The following PTPRM variants were observed in gnomAD, a reference collection of about 807,000 sequenced individuals.
The protein encoded by PTPRM is protein tyrosine phosphatase receptor type M.
PTPRM carries 47 observed loss-of-function variants against 186.7 expected under a neutral mutation model. The ratio of observed to expected loss-of-function variants is 0.25; its 90% CI spans 0.20 to 0.32. PTPRM has a LOEUF of 0.32. PTPRM is among the 10% of genes least tolerant of loss of function. The probability of loss-of-function intolerance (pLI) is 1.00; values close to 1 mark genes in which losing one functional copy is unlikely to be tolerated. For synonymous variants in PTPRM, 668 were observed against 674.9 expected, an observed-to-expected ratio of 0.99 and a Z score of 0.16; for missense variants, 1,494 against 1,865.0, an observed-to-expected ratio of 0.80 and a Z score of 3.66.
At chr18:7,920,334 A>T (rs2050787117) in intron 4 of PTPRM, among the ~76,000 whole-genome samples, 1 of 151,946 alleles carries the variant, frequency 6.6e-6, no homozygotes, top group Non-Finnish European at 1.5e-5. Context: ...GTTGTTTTTC[A>T]TATGTAATGA....
Position 7,772,697 on chromosome 18 carries a change from A to T in PTPRM, c.74-1452A>T, listed in dbSNP as rs7235537. ...ACAGTTGACCTAAGCATTTGGATAG[A>T]AGTTGGACCAGGTGACCTCTAACAT... On this transcript the variant is annotated intron_variant, in intron 1 of 32. Transcript: ENST00000580170. Among the ~76,000 whole-genome samples, 469 of 152,154 alleles carry T rather than the reference A, an allele frequency of 3.1e-3. 7 individuals are homozygous for T. The highest frequency in any genetic ancestry group is 0.011 in the African/African-American group (460 of 41,496).
intron 14 of PTPRM, among the ~76,000 whole-genome samples, chr18:8,217,106 T>C (rs1281013815): frequency 6.6e-6 from 1 of 152,224 alleles, no homozygotes; most frequent in Admixed American, 6.5e-5. Context: ...CTTTCTTCTG[T>C]GTTGTGAGAT....
At chr18:7,799,462 T>G (rs1053487063) in intron 2 of PTPRM, among the ~76,000 whole-genome samples, 2 of 152,200 alleles carry the variant, frequency 1.3e-5, no homozygotes, top group Admixed American at 1.3e-4. Flanking sequence ...AAGTAAGGCT[T>G]TGGTTATATT....
intron 1 of PTPRM, among the ~76,000 whole-genome samples, chr18:7,726,112 C>G (rs547994430): frequency 6.6e-6 from 1 of 152,174 alleles, no homozygotes; most frequent in Non-Finnish European, 1.5e-5. Context: ...AGGTTTGGAG[C>G]AGTCAGTGAG....
At chr18:7,659,247 T>C (rs1158341830) in intron 1 of PTPRM, among the ~76,000 whole-genome samples, 1 of 152,104 alleles carries the variant, frequency 6.6e-6, no homozygotes, top group Non-Finnish European at 1.5e-5. Flanking sequence ...CTGCTACTAG[T>C]ATGTGAGTCC....
At chr18:7,768,154 G>A (rs995432693) in intron 1 of PTPRM, among the ~76,000 whole-genome samples, 1 of 152,254 alleles carries the variant, frequency 6.6e-6, no homozygotes, top group Middle Eastern at 3.4e-3. Flanking sequence ...CTGAAACTCT[G>A]TGATTTTCAG....
At chr18:8,098,183 C>T (rs1166722951) in intron 11 of PTPRM, among the ~76,000 whole-genome samples, 3 of 152,092 alleles carry the variant, frequency 2.0e-5, no homozygotes, top group African/African-American at 7.2e-5. Context: ...TGAGGCACTT[C>T]TCAGAATATA....
At chr18:8,056,026 G>A (rs1050365894) in intron 7 of PTPRM, among the ~76,000 whole-genome samples, 3 of 152,208 alleles carry the variant, frequency 2.0e-5, no homozygotes, top group East Asian at 1.9e-4. Context: ...GTCTTATACC[G>A]GATCTAGTTG....
intron 10 of PTPRM, among the ~76,000 whole-genome samples, chr18:8,086,934 G>A (rs1600486447): frequency 6.6e-6 from 1 of 152,056 alleles, no homozygotes; most frequent in Non-Finnish European, 1.5e-5. Flanking sequence ...GAAACAGTAT[G>A]GAGAGTTGAG....
chr18:8,015,747 G>A (rs1600083532), intron 7 of PTPRM, among the ~76,000 whole-genome samples: 1 of 152,274 alleles, frequency 6.6e-6, no homozygotes, highest in South Asian at 2.1e-4. Context: ...AAAGATAAGT[G>A]TAGAATTGAT....
At chr18:7,887,654 C>T (rs1459248869) in intron 2 of PTPRM, among the ~76,000 whole-genome samples, 1 of 152,192 alleles carries the variant, frequency 6.6e-6, no homozygotes, top group African/African-American at 2.4e-5. Context: ...GAACTTTCTG[C>T]TGGATGGAGA....
chr18:8,216,681 A>ACT (rs1193090853), intron 14 of PTPRM, among the ~76,000 whole-genome samples: 1 of 152,062 alleles, frequency 6.6e-6, no homozygotes, highest in Non-Finnish European at 1.5e-5. Flanking sequence ...CTGTTGACAT[A>ACT]CTCTCTCTGA....
At chr18:8,204,179 G>C (rs1321713439) in intron 14 of PTPRM, among the ~76,000 whole-genome samples, 1 of 152,068 alleles carries the variant, frequency 6.6e-6, no homozygotes, top group Non-Finnish European at 1.5e-5. Context: ...GTGGGGAATT[G>C]CACTCATTAT....
chr18:7,739,044 T>C (rs2040834662), intron 1 of PTPRM, among the ~76,000 whole-genome samples: 1 of 152,128 alleles, frequency 6.6e-6, no homozygotes, highest in South Asian at 2.1e-4. Context: ...TTGCTGATTG[T>C]CATATAAAAA....
intron 2 of PTPRM, among the ~76,000 whole-genome samples, chr18:7,828,739 T>C (rs2045614656): frequency 1.3e-5 from 2 of 152,236 alleles, no homozygotes. Flanking sequence ...AGCAGTGTAC[T>C]AGAAGCTGTC....
chr18:7,578,106 G>A (rs957731460), intron 1 of PTPRM, among the ~76,000 whole-genome samples: 2 of 152,024 alleles, frequency 1.3e-5, no homozygotes, highest in Admixed American at 6.6e-5. Context: ...GACCTTGGGT[G>A]TGTTATTTCA....
At chr18:7,930,778 AT>A (rs992039998) in intron 5 of PTPRM, among the ~76,000 whole-genome samples, 11 of 152,128 alleles carry the variant, frequency 7.2e-5, no homozygotes, top group Non-Finnish European at 1.6e-4. Flanking sequence ...CAAGGTTTTG[AT>A]TTTTTTAAAT....
intron 7 of PTPRM, among the ~76,000 whole-genome samples, chr18:8,052,471 G>C (rs530763855): frequency 6.6e-6 from 1 of 152,110 alleles, no homozygotes; most frequent in Non-Finnish European, 1.5e-5. Flanking sequence ...ACAGAAACAT[G>C]CTCTTCAGGT....
intron 22 of PTPRM, among the ~76,000 whole-genome samples, chr18:8,324,996 A>T (rs2095367044): frequency 6.6e-6 from 1 of 152,200 alleles, no homozygotes; most frequent in African/African-American, 2.4e-5. Flanking sequence ...ACAGCACAGA[A>T]TCGCTTAATC....
Sources: gnomAD v4.1 joint callset for allele counts (sites outside exome capture counted in the v4.1 genomes callset) on GRCh38, gnomAD v4.1.1 for gene constraint, MANE v1.5 for transcripts, NCBI Gene and HGNC (gene_info 2026-07-23, HGNC 2026-07-21) for gene names.